Variants in BICRAL observed in about 807,000 individuals in gnomAD.
BICRAL encodes BICRA like chromatin remodeling complex associated protein.
In BICRAL, 8 loss-of-function variants were observed where a neutral mutation model predicts 91.8. That is an observed-to-expected ratio of 0.09 (90% CI 0.05 to 0.16). The LOEUF (loss-of-function observed/expected upper bound fraction) is 0.16, where lower values mean the gene tolerates loss of function less well. Among genes scored for constraint, BICRAL ranks in the 10% least tolerant of loss-of-function variants. The pLI, the probability that BICRAL is intolerant of heterozygous loss-of-function variation, is 1.00. For synonymous variants in BICRAL, 445 were observed against 491.1 expected (o/e 0.91, Z 1.24); for missense variants, 1,038 against 1,310.9 (o/e 0.79, Z 3.21).
At chr6:42,819,561 C>CA (rs1339599028) in intron 2 of BICRAL, among the ~76,000 whole-genome samples, 1 of 152,202 alleles carries the variant, frequency 6.6e-6, no homozygotes, top group Non-Finnish European at 1.5e-5. Flanking sequence ...GCTGGGATTA[C>CA]AGGCATGTGC....
intron 1 of BICRAL, among the ~76,000 whole-genome samples, chr6:42,806,535 C>T (rs375870302): frequency 2.2e-5 from 3 of 137,194 alleles, no homozygotes; most frequent in Non-Finnish European, 3.1e-5. Flanking sequence ...TTTTTTGAGA[C>T]GGGGTCTTAC....
intron 11 of BICRAL, among the ~76,000 whole-genome samples, chr6:42,861,458 G>A (rs949042020): frequency 1.3e-5 from 2 of 152,190 alleles, no homozygotes; most frequent in Non-Finnish European, 2.9e-5. Flanking sequence ...GTTAAATAGA[G>A]AAAGGAGTGA....
intron 2 of BICRAL, among the ~76,000 whole-genome samples, chr6:42,815,239 G>A (rs1763958210): frequency 7.2e-6 from 1 of 139,484 alleles, no homozygotes; most frequent in African/African-American, 2.7e-5. Context: ...GCCCAGGCTA[G>A]AGTGCAGTGG....
intron 1 of BICRAL, among the ~76,000 whole-genome samples, chr6:42,798,284 C>G (rs1055867197): frequency 6.6e-6 from 1 of 152,128 alleles, no homozygotes; most frequent in Admixed American, 6.6e-5. Flanking sequence ...CCAATCCCCA[C>G]CAGTATGCAA....
At chr6:42,783,254 GC>G (rs1170306450) in intron 1 of BICRAL, among the ~76,000 whole-genome samples, 2 of 151,976 alleles carry the variant, frequency 1.3e-5, no homozygotes, top group South Asian at 2.1e-4. Flanking sequence ...GTCCGGCCGA[GC>G]CCCCAGCCGC....
intron 1 of BICRAL, among the ~76,000 whole-genome samples, chr6:42,752,663 G>T (rs1762397435): frequency 6.6e-6 from 1 of 151,982 alleles, no homozygotes; most frequent in Non-Finnish European, 1.5e-5. Context: ...GAGTGCAGTG[G>T]CGCCATGTTG....
upstream of BICRAL, among the ~76,000 whole-genome samples, chr6:42,777,600 T>C (rs575503474): frequency 4.1e-4 from 62 of 152,350 alleles, no homozygotes; most frequent in African/African-American, 1.1e-3. Flanking sequence ...TGGTCATGCA[T>C]ATCACTACTC....
intron 1 of BICRAL, among the ~76,000 whole-genome samples, chr6:42,801,065 CA>C (rs1763553316): frequency 6.6e-6 from 1 of 151,880 alleles, no homozygotes; most frequent in African/African-American, 2.4e-5. Context: ...CCAGCCTGGC[CA>C]ACATGGTGAA....
At position 42,829,953 on chromosome 6, in the gene BICRAL, C is replaced by G. The variant is rs1192340553; in HGVS notation, c.1620C>G (p.Phe540Leu). The change falls in exon 6 of 13, where the codon TTC becomes TTG. Residue 540 changes from phenylalanine (F) to leucine (L), a missense_variant. Physicochemically the swap from Phe to Leu is conservative, Grantham distance 22. Around this residue, in one of 5 missense-constraint regions of BICRAL, gnomAD observed 532 missense variants for 724.9 expected, o/e 0.73. Transcript: ENST00000314073. Reference protein sequence around the residue: ...SVTSMSGPSRFPAVSSASTAH... With the variant: ...SVTSMSGPSRLPAVSSASTAH... Reference sequence around the variant, plus strand: ...CAAGCATGTCAGGACCTAGTCGGTTCCCTGCTGTCAGCTCAGCCAGCACTG... The same window carrying G: ...CAAGCATGTCAGGACCTAGTCGGTTGCCTGCTGTCAGCTCAGCCAGCACTG... The G allele has an allele frequency of 2.5e-6, 4 of 1,614,130 alleles. No individual in the cohort carries two copies. The South Asian group carries it at 3.3e-5, about 13-fold the overall frequency.
chr6:42,794,689 CTG>C (rs1270804010), intron 1 of BICRAL, among the ~76,000 whole-genome samples: 1 of 151,516 alleles, frequency 6.6e-6, no homozygotes, highest in Non-Finnish European at 1.5e-5. Flanking sequence ...TGGCTCACGC[CTG>C]TACTCCTAGC....
At chr6:42,750,639 G>GA (rs1301155226) in intron 1 of BICRAL, among the ~76,000 whole-genome samples, 3 of 151,992 alleles carry the variant, frequency 2.0e-5, no homozygotes, top group Non-Finnish European at 2.9e-5. Context: ...GCAATGGCGC[G>GA]ATCTCGGCTT....
At chr6:42,852,345 A>G (rs1056808508) in intron 7 of BICRAL, 148 bp downstream of exon 7, 3 of 709,644 alleles carry the variant, frequency 4.2e-6, no homozygotes, top group Non-Finnish European at 7.8e-6. Flanking sequence ...TCCGCAAATA[A>G]TATACTGTGT....
chr6:42,852,758 A>G (rs554004591), intron 7 of BICRAL, among the ~76,000 whole-genome samples: 1 of 151,984 alleles, frequency 6.6e-6, no homozygotes, highest in Non-Finnish European at 1.5e-5. Context: ...ACTTCTATCT[A>G]AATTATGACA....
chr6:42,834,932 A>C (rs377589526), intron 6 of BICRAL, among the ~76,000 whole-genome samples: 102 of 152,290 alleles, frequency 6.7e-4, no homozygotes, highest in Non-Finnish European at 9.8e-4. Context: ...GTTCATTGCT[A>C]CTAAGGTCAT....
Position 42,828,755 on chromosome 6 carries a change from T to C in BICRAL, c.422T>C (p.Leu141Pro), listed in dbSNP as rs773199738. Reference protein sequence around the residue: ...GSSQQFAQAQLHPSSSASFTQ... With the variant: ...GSSQQFAQAQPHPSSSASFTQ... ...AGCCAACAGTTTGCACAAGCTCAGC[T>C]TCATCCTTCTTCATCAGCATCCTTT... The change falls in exon 6 of 13, where the codon CTT becomes CCT. Residue 141 changes from leucine (L) to proline (P), a missense_variant. This residue lies in a region of BICRAL where 532 missense variants were observed against 724.9 expected (regional missense o/e 0.73). Coordinates refer to ENST00000314073, the MANE Select transcript of BICRAL (RefSeq NM_001393499.1). The C allele has an allele frequency of 3.7e-6, 6 of 1,614,206 alleles. No homozygotes were observed. The South Asian group carries it at 6.6e-5, about 18-fold the overall frequency.
At chr6:42,849,007 C>T (rs1323577263) in intron 6 of BICRAL, among the ~76,000 whole-genome samples, 6 of 152,122 alleles carry the variant, frequency 3.9e-5, no homozygotes, top group African/African-American at 1.2e-4. Flanking sequence ...TTCACGTTGA[C>T]CCTTCCCCTT....
At chr6:42,776,586 G>A (rs1762811367) in intron 1 of BICRAL, among the ~76,000 whole-genome samples, 1 of 151,274 alleles carries the variant, frequency 6.6e-6, no homozygotes, top group Non-Finnish European at 1.5e-5. Flanking sequence ...GGGCTCAAGC[G>A]ACCCTCCTGC....
chr6:42,820,512 TCA>T (rs530791950), intron 2 of BICRAL, among the ~76,000 whole-genome samples: 296 of 152,302 alleles, frequency 1.9e-3, no homozygotes, highest in Middle Eastern at 6.8e-3. Context: ...GGGAAGACCT[TCA>T]CACAGATTTT....
At chr6:42,749,050 C>A (rs1762334908) in intron 1 of BICRAL, among the ~76,000 whole-genome samples, 1 of 152,172 alleles carries the variant, frequency 6.6e-6, no homozygotes, top group Admixed American at 6.6e-5. Flanking sequence ...AATCAAGGTA[C>A]TGCTCTCTTG....
Sources: gnomAD v4.1 joint callset for allele counts (sites outside exome capture counted in the v4.1 genomes callset) on GRCh38, gnomAD v4.1.1 for gene constraint, gnomAD v4.1.1 regional missense constraint, MANE v1.5 for transcripts, NCBI Gene and HGNC (gene_info 2026-07-23, HGNC 2026-07-21) for gene names.